The following ZNF790 variants were observed in gnomAD, a reference collection of about 807,000 sequenced individuals.
The protein encoded by ZNF790 is zinc finger protein 790.
ZNF790 carries 8 observed loss-of-function variants against 12.1 expected under a neutral mutation model. The ratio of observed to expected loss-of-function variants is 0.66; its 90% CI spans 0.39 to 1.19. ZNF790 has a LOEUF of 1.19. Among genes scored for constraint, ZNF790 ranks in the 50% most tolerant of loss-of-function variants. The pLI, the probability that ZNF790 is intolerant of heterozygous loss-of-function variation, is 0.01. For missense variants in ZNF790, 707 were observed against 752.2 expected (o/e 0.94, Z 0.70); for synonymous variants, 252 against 244.3 (o/e 1.03, Z -0.29).
chr19:36,839,930 G>A (rs1273627751), upstream of ZNF790, among the ~76,000 whole-genome samples: 1 of 151,972 alleles, frequency 6.6e-6, no homozygotes, highest in East Asian at 1.9e-4. Flanking sequence ...AGGTGTGGTG[G>A]TGCATGCCTG....
chr19:36,818,850 T>G lies in ZNF790; in HGVS notation c.1494A>C (p.Lys498Asn), dbSNP rs1568332482. 1 of 1,613,594 alleles carries G rather than the reference T, an allele frequency of 6.2e-7. No homozygotes were observed. The highest frequency in any genetic ancestry group is 1.7e-5 in the Admixed American group (1 of 59,952). Residue 498 changes from lysine (K) to asparagine (N), a missense_variant, in exon 5 of 5, where the codon AAA (lysine) becomes AAC (asparagine). Coordinates refer to ENST00000356725, the MANE Select transcript of ZNF790 (RefSeq NM_206894.4). Reference protein sequence around the residue: ...FRGSELNRHQKIHTGKRPYEC... With the variant: ...FRGSELNRHQNIHTGKRPYEC... ...CATATGGCCTCTTTCCAGTATGAAT[T>G]TTCTGGTGTCGATTAAGTTCTGAAC...
At chr19:36,850,513 G>T (rs1182260366), upstream of ZNF790, 1 of 152,252 alleles carries the variant, frequency 6.6e-6, no homozygotes, top group Admixed American at 6.5e-5. Context: ...TTACTAAGAG[G>T]AAGTTAAGTA....
chr19:36,847,353 G>GA (rs953301828), intron 1 of ZNF790, among the ~76,000 whole-genome samples: 5 of 151,114 alleles, frequency 3.3e-5, no homozygotes, highest in African/African-American at 7.3e-5. Flanking sequence ...TTTGTCTTGG[G>GA]AAAAAAAACA....
chr19:36,825,675 C>G lies in ZNF790; in HGVS notation c.-56G>C. ...TCTGGATTCTTTCTTGGTGAGGCAG[C>G]GTGCTGGGAAAGCAGAGCTAGAAGG... On this transcript the variant is annotated 5_prime_UTR_variant, in exon 2 of 5. Coordinates refer to ENST00000356725, the MANE Select transcript of ZNF790 (RefSeq NM_206894.4). The G allele has an allele frequency of 6.3e-7, 1 of 1,597,668 alleles. No individual in the cohort carries two copies. Among genetic ancestry groups the G allele is most frequent in the South Asian group, 1.1e-5 (1 of 90,772 alleles).
chr19:36,838,751 T>C (rs2072101382), upstream of ZNF790, among the ~76,000 whole-genome samples: 1 of 152,200 alleles, frequency 6.6e-6, no homozygotes, highest in African/African-American at 2.4e-5. The surrounding 1 kb of genome is among the most constrained non-coding windows in gnomAD (Gnocchi z 4.4). Context: ...CCTGGAACAC[T>C]GCAGAAATGC....
chr19:36,850,628 A>G (rs2072239328), upstream of ZNF790: 1 of 152,246 alleles, frequency 6.6e-6, no homozygotes, highest in African/African-American at 2.4e-5. Flanking sequence ...GGCTCAGAGG[A>G]GCCTGACTAA....
At chr19:36,847,722 C>G (rs1324705704) in intron 1 of ZNF790, among the ~76,000 whole-genome samples, 1 of 149,724 alleles carries the variant, frequency 6.7e-6, no homozygotes, top group Non-Finnish European at 1.5e-5. Context: ...TACACTCCAG[C>G]CTGGGCGACA....
Position 36,819,483 on chromosome 19 carries a change from A to G in ZNF790, c.861T>C (p.Cys287=), listed in dbSNP as rs766869565. 1.3e-5 allele frequency: 21 copies of G among 1,610,870 alleles called. No homozygotes were observed. In the South Asian group the frequency reaches 2.3e-4, roughly 18 times the overall value. ...CTGAGCCACAACTAAAGGCCTTCCCACATTCCTTACATTCATAAGATTTCT... is the reference window on the plus strand; with the variant it reads ...CTGAGCCACAACTAAAGGCCTTCCCGCATTCCTTACATTCATAAGATTTCT... ...TGEKSYECKE[C]GKAFSCGSDL... Residue 287 remains cysteine (C), a synonymous_variant, in exon 5 of 5, where the codon TGT becomes TGC. Coordinates refer to ENST00000356725, the MANE Select transcript of ZNF790 (RefSeq NM_206894.4).
At chr19:36,825,024 A>T (rs2071766707) in intron 2 of ZNF790, among the ~76,000 whole-genome samples, 1 of 152,130 alleles carries the variant, frequency 6.6e-6, no homozygotes, top group Admixed American at 6.5e-5. Context: ...TGTGAAAGTC[A>T]TCAGATGAGT....
intron 1 of ZNF790, among the ~76,000 whole-genome samples, chr19:36,831,454 T>A (rs1017264744): frequency 3.9e-5 from 6 of 152,106 alleles, no homozygotes; most frequent in Non-Finnish European, 7.4e-5. Context: ...CAGCGGCATG[T>A]GCCTGTGGTC....
Position 36,823,265 on chromosome 19 carries a change from C to G in ZNF790, c.229+20G>C. 1 of 1,599,902 alleles carries G rather than the reference C, an allele frequency of 6.3e-7. No homozygotes were observed. The highest frequency in any genetic ancestry group is 1.1e-5 in the South Asian group (1 of 90,682). ...TATCCACAACAATGGCCTCCTTGTG[C>G]GTGTTCAGCCCTCACTCACCTGGGC... On this transcript the variant is annotated intron_variant, in intron 4 of 4. Transcript: ENST00000356725.
At chr19:36,829,408 C>T (rs1191992694) in intron 1 of ZNF790, among the ~76,000 whole-genome samples, 1 of 152,196 alleles carries the variant, frequency 6.6e-6, no homozygotes, top group African/African-American at 2.4e-5. Context: ...TTACTGGCTT[C>T]TTTCACGTAG....
At position 36,838,005 on chromosome 19, in the gene ZNF790, C is replaced by G. The variant is rs369651011; in HGVS notation, c.-74+332G>C. ...CTATCACCACCTTTACGAACGTGGTCACGCACAACGCGACGCAGTCATAAT... is the reference window on the plus strand; with the variant it reads ...CTATCACCACCTTTACGAACGTGGTGACGCACAACGCGACGCAGTCATAAT... On this transcript the variant is annotated intron_variant, in intron 1 of 4. Coordinates refer to ENST00000356725, the MANE Select transcript of ZNF790 (RefSeq NM_206894.4). This position sits in a 1 kb window ranked among gnomAD's most constrained non-coding sequence, Gnocchi z 4.4. 6.6e-5 allele frequency: 10 copies of G among 152,398 alleles called. No individual in the cohort carries two copies. Among genetic ancestry groups the G allele is most frequent in the African/African-American group, 2.4e-4 (10 of 41,572 alleles). 9.4% of individuals were successfully genotyped at this position (152,398 alleles called of 1,614,324 possible).
intron 1 of ZNF790, among the ~76,000 whole-genome samples, chr19:36,845,366 T>A (rs1016269493): frequency 6.6e-6 from 1 of 150,552 alleles, no homozygotes; most frequent in Non-Finnish European, 1.5e-5. Context: ...CAGTGAGCCA[T>A]GATCATGCCA....
At position 36,818,610 on chromosome 19, in the gene ZNF790, A is replaced by G; in HGVS notation, c.1734T>C (p.Thr578=). The G allele has an allele frequency of 6.2e-7, 1 of 1,611,270 alleles. No individual in the cohort carries two copies. The highest frequency in any genetic ancestry group is 8.5e-7 in the Non-Finnish European group (1 of 1,178,100). ...TTGCACTATTATGAATTTTTTGTTC[A>G]GTAAAATATGAATGGTGACTAAAGA... The part of the protein sequence containing the change: ...SHIFSHHSYF[T]EQKIHNSANL... Residue 578 remains threonine (T), a synonymous_variant, in exon 5 of 5, where the codon ACT becomes ACC. Transcript: ENST00000356725.
chr19:36,835,753 A>G (rs971966866), intron 1 of ZNF790, among the ~76,000 whole-genome samples: 7 of 151,268 alleles, frequency 4.6e-5, no homozygotes, highest in Non-Finnish European at 8.8e-5. Flanking sequence ...TATGTTTTCC[A>G]GCTTCTAGAG....
chr19:36,847,044 A>G (rs2072186512), intron 1 of ZNF790, among the ~76,000 whole-genome samples: 1 of 84,882 alleles, frequency 1.2e-5, no homozygotes, highest in Admixed American at 1.1e-4. Flanking sequence ...TTTCCTAAAC[A>G]GAGTATTTTC....
chr19:36,819,225 T>C lies in ZNF790; in HGVS notation c.1119A>G (p.Lys373=). The C allele has an allele frequency of 1.2e-6, 2 of 1,613,846 alleles. No individual in the cohort carries two copies. ...EKSHECKECG[K]AFIRGSNLAQ... Reference sequence around the variant, plus strand: ...CAAGATTTGAACCACGAATAAAGGCTTTTCCACATTCCTTACACTCATGAG... The same window carrying C: ...CAAGATTTGAACCACGAATAAAGGCCTTTCCACATTCCTTACACTCATGAG... Residue 373 remains lysine, a synonymous_variant, in exon 5 of 5, where the codon AAA becomes AAG. Coordinates refer to ENST00000356725, the MANE Select transcript of ZNF790 (RefSeq NM_206894.4).
chr19:36,841,824 G>A (rs906850146), upstream of ZNF790, among the ~76,000 whole-genome samples: 1 of 131,546 alleles, frequency 7.6e-6, no homozygotes, highest in Non-Finnish European at 1.6e-5. Context: ...ACTGCAGCCT[G>A]GAGGACATAG....
Sources: allele counts gnomAD v4.1 joint callset (sites outside exome capture counted in the v4.1 genomes callset), GRCh38; gene constraint gnomAD v4.1.1; non-coding constraint Gnocchi (gnomAD v3.1); transcripts MANE v1.5; gene names NCBI Gene and HGNC (gene_info 2026-07-23, HGNC 2026-07-21).